SLC38A12: variants seen among roughly 807,000 people sequenced by gnomAD.
SLC38A12 encodes solute carrier family 38 member 12.
chr17:74,780,047 T>C, the SLC38A12 span, among the ~76,000 whole-genome samples: 1 of 152,104 alleles, frequency 6.6e-6, no homozygotes, highest in Non-Finnish European at 1.5e-5. Flanking sequence ...ACTGAAGTGG[T>C]TGTTGTGTGA....
the SLC38A12 span, chr17:74,836,082 C>T: frequency 6.2e-7 from 1 of 1,613,862 alleles, no homozygotes; most frequent in Non-Finnish European, 8.5e-7. The surrounding 1 kb of genome is among the most constrained non-coding windows in gnomAD (Gnocchi z 4.2). Context: ...CCTCATTACC[C>T]CCGTCTCCTC....
chr17:74,839,143 C>G, the SLC38A12 span: 2 of 1,523,136 alleles, frequency 1.3e-6, no homozygotes, highest in Non-Finnish European at 1.8e-6. Flanking sequence ...TGTTCCTCAC[C>G]TGAGGCTAGA....
the SLC38A12 span, among the ~76,000 whole-genome samples, chr17:74,804,871 G>C: frequency 6.6e-6 from 1 of 152,252 alleles, no homozygotes; most frequent in Non-Finnish European, 1.5e-5. Context: ...TGCTTCACCT[G>C]AGAGGCAGGT....
chr17:74,777,962 A>G, the SLC38A12 span, among the ~76,000 whole-genome samples: 1 of 152,238 alleles, frequency 6.6e-6, no homozygotes, highest in South Asian at 2.1e-4. Context: ...ACTTGCCTGC[A>G]GTGCTGCCCT....
chr17:74,805,258 A>G, the SLC38A12 span, among the ~76,000 whole-genome samples: 1 of 152,206 alleles, frequency 6.6e-6, no homozygotes, highest in South Asian at 2.1e-4. This position sits in a 1 kb window ranked among gnomAD's most constrained non-coding sequence, Gnocchi z 5.0. Context: ...TTTGCAGGGA[A>G]AGGAGAGGGG....
At chr17:74,779,785 GCT>G in the SLC38A12 span, among the ~76,000 whole-genome samples, 5 of 152,198 alleles carry the variant, frequency 3.3e-5, no homozygotes, top group Non-Finnish European at 2.9e-5. Flanking sequence ...CCTCTCCTTA[GCT>G]CTCTATTGCC....
the SLC38A12 span, among the ~76,000 whole-genome samples, chr17:74,829,265 A>G: frequency 6.6e-6 from 1 of 152,148 alleles, no homozygotes; most frequent in Non-Finnish European, 1.5e-5. This position sits in a 1 kb window ranked among gnomAD's most constrained non-coding sequence, Gnocchi z 4.1. Flanking sequence ...CTGGGACTAC[A>G]GGCGCCCGCC....
chr17:74,808,398 A>G, the SLC38A12 span, among the ~76,000 whole-genome samples: 2 of 152,214 alleles, frequency 1.3e-5, no homozygotes, highest in Non-Finnish European at 2.9e-5. Context: ...GGACAAATGA[A>G]TCCCTCTCAA....
chr17:74,818,668 AT>A, the SLC38A12 span, among the ~76,000 whole-genome samples: 1 of 152,230 alleles, frequency 6.6e-6, no homozygotes, highest in Non-Finnish European at 1.5e-5. Flanking sequence ...CGCTCCCCAC[AT>A]TCGTTCAGGC....
At chr17:74,800,928 C>T in the SLC38A12 span, among the ~76,000 whole-genome samples, 1 of 152,200 alleles carries the variant, frequency 6.6e-6, no homozygotes, top group African/African-American at 2.4e-5. Flanking sequence ...GGACCCTCAG[C>T]CCAGAAAGCA....
the SLC38A12 span, chr17:74,839,077 C>T: frequency 6.5e-7 from 1 of 1,535,416 alleles, no homozygotes; most frequent in Non-Finnish European, 8.7e-7. Flanking sequence ...GCCTCCCTCC[C>T]CACAGAAGCA....
the SLC38A12 span, among the ~76,000 whole-genome samples, chr17:74,779,512 G>GAC: frequency 6.6e-6 from 1 of 152,192 alleles, no homozygotes; most frequent in East Asian, 1.9e-4. Context: ...GAGGGGAGAA[G>GAC]ACACCTTCTT....
the SLC38A12 span, among the ~76,000 whole-genome samples, chr17:74,809,514 G>A: frequency 5.9e-5 from 9 of 152,152 alleles, no homozygotes; most frequent in Non-Finnish European, 8.8e-5. Context: ...GGCAGCTCTC[G>A]TCCCATGCAG....
chr17:74,800,991 T>C, the SLC38A12 span, among the ~76,000 whole-genome samples: 1 of 152,144 alleles, frequency 6.6e-6, no homozygotes, highest in African/African-American at 2.4e-5. Flanking sequence ...TCTCATGTGG[T>C]TCACGTGAGT....
the SLC38A12 span, among the ~76,000 whole-genome samples, chr17:74,831,169 G>A: frequency 6.6e-5 from 10 of 152,182 alleles, no homozygotes; most frequent in Admixed American, 2.0e-4. Context: ...GCCGCCTCCC[G>A]CGACGGGGAT....
At chr17:74,788,506 A>G in the SLC38A12 span, among the ~76,000 whole-genome samples, 1 of 152,260 alleles carries the variant, frequency 6.6e-6, no homozygotes, top group South Asian at 2.1e-4. Flanking sequence ...TTGTCCCAGT[A>G]TCACGTCTGC....
At chr17:74,839,316 CAG>C in the SLC38A12 span, 2 of 823,464 alleles carry the variant, frequency 2.4e-6, no homozygotes, top group Non-Finnish European at 3.6e-6. Flanking sequence ...AGGCCAGAGT[CAG>C]AGTGGTGGGG....
the SLC38A12 span, among the ~76,000 whole-genome samples, chr17:74,813,828 T>C: frequency 6.6e-6 from 1 of 152,170 alleles, no homozygotes; most frequent in African/African-American, 2.4e-5. Flanking sequence ...ACCAGGGAAG[T>C]AGCCCCTCTG....
At chr17:74,782,447 A>G in the SLC38A12 span, among the ~76,000 whole-genome samples, 92 of 152,194 alleles carry the variant, frequency 6.0e-4, no homozygotes, top group African/African-American at 2.2e-3. Context: ...TGTCTGGTTT[A>G]TCATTGTATC....
Sources: gnomAD v4.1 joint callset for allele counts (sites outside exome capture counted in the v4.1 genomes callset) on GRCh38, gnomAD v4.1.1 for gene constraint, Gnocchi (gnomAD v3.1) non-coding constraint, MANE v1.5 for transcripts, NCBI Gene and HGNC (gene_info 2026-07-23, HGNC 2026-07-21) for gene names.